The following SLC6A16 variants were observed in gnomAD, a reference collection of about 807,000 sequenced individuals.
SLC6A16 encodes the protein orphan sodium- and chloride-dependent neurotransmitter transporter NTT5.
In SLC6A16, 54 loss-of-function variants were observed where a neutral mutation model predicts 65.4. The observed-to-expected ratio is 0.83, with a 90% CI of 0.66 to 1.04. The LOEUF is 1.04. Ranked by LOEUF, SLC6A16 falls within the 50% of genes least tolerant of loss-of-function variation. The pLI is 0.00. For synonymous variants in SLC6A16, 330 were observed against 346.5 expected (o/e 0.95, Z 0.53); for missense variants, 816 against 914.0 (o/e 0.89, Z 1.38).
At chr19:49,340,198 C>G in the SLC6A16 span, 1 of 1,542,528 alleles carries the variant, frequency 6.5e-7, no homozygotes. Context: ...GGCATCACCC[C>G]CGTCTCGCCA....
chr19:49,337,460 A>C, the SLC6A16 span, among the ~76,000 whole-genome samples: 2,207 of 148,786 alleles, frequency 0.015, 30 homozygotes, highest in Non-Finnish European at 0.023. Flanking sequence ...GACCCCATCT[A>C]TATTTAAAAA....
At chr19:49,325,525 C>T (rs1484197893), upstream of SLC6A16, among the ~76,000 whole-genome samples, 4 of 152,214 alleles carry the variant, frequency 2.6e-5, no homozygotes, top group Non-Finnish European at 5.9e-5. Context: ...AGCCTTCAAA[C>T]CTTTCGCATT....
rs372873509 is a variant in SLC6A16, at chr19:49,311,093, C to T, written c.255G>A (p.Thr85=). The part of the protein sequence containing the change: ...LTASALNQKP[T]HEKVQMTEKK... ...TCTCTGTCATCTGCACCTTCTCATG[C>T]GTGGGTTTCTGGTTCAGGGCTGAGG... Residue 85 remains threonine, a synonymous_variant, in exon 2 of 12, where the codon ACG becomes ACA. Coordinates refer to ENST00000335875, the MANE Select transcript of SLC6A16 (RefSeq NM_014037.3). The T allele has an allele frequency of 2.0e-5, 32 of 1,614,066 alleles. No homozygotes were observed. The highest frequency in any genetic ancestry group is 1.7e-4 in the African/African-American group (13 of 74,914).
intron 7 of SLC6A16, among the ~76,000 whole-genome samples, chr19:49,303,332 A>T (rs998114936): frequency 2.0e-5 from 3 of 152,204 alleles, no homozygotes; most frequent in Non-Finnish European, 2.9e-5. Context: ...GCTGAAAAAA[A>T]ATCTGACAAC....
upstream of SLC6A16, among the ~76,000 whole-genome samples, chr19:49,326,763 A>G (rs1282352517): frequency 6.6e-6 from 1 of 152,186 alleles, no homozygotes; most frequent in Non-Finnish European, 1.5e-5. Flanking sequence ...TCACGCCTGT[A>G]ATCCCAGCAC....
At position 49,310,614 on chromosome 19, in the gene SLC6A16, G is replaced by A. The variant is rs1970500958; in HGVS notation, c.416-104C>T. On this transcript the variant is annotated intron_variant, in intron 2 of 11. Transcript: ENST00000335875. ...TCTCCCTACCAGCGACCTCTTCCAG[G>A]GCCACAGGCATCAGGGCTCACCCAT... is the stretch of plus-strand genomic sequence containing the variant. 7.2e-6 allele frequency: 9 copies of A among 1,255,116 alleles called. No homozygotes were observed. In the South Asian group the frequency reaches 1.2e-4, roughly 17 times the overall value. 77.7% of individuals were successfully genotyped at this position (1,255,116 alleles called of 1,614,324 possible).
chr19:49,339,873 C>T, the SLC6A16 span: 2 of 1,343,642 alleles, frequency 1.5e-6, no homozygotes, highest in South Asian at 1.6e-5. The surrounding 1 kb of genome is among the most constrained non-coding windows in gnomAD (Gnocchi z 4.5). Flanking sequence ...TGCCCATGGC[C>T]CTGGGGCTCT....
At chr19:49,337,623 T>C in the SLC6A16 span, 18 of 1,474,432 alleles carry the variant, frequency 1.2e-5, no homozygotes, top group Non-Finnish European at 1.6e-5. Context: ...AATAAATTAA[T>C]AGAAAGACAC....
Position 49,294,554 on chromosome 19 carries a change from C to T in SLC6A16, c.1230-1G>A. 1 of 1,600,746 alleles carries T rather than the reference C, an allele frequency of 6.2e-7. No individual in the cohort carries two copies. Among genetic ancestry groups the T allele is most frequent in the Non-Finnish European group, 8.5e-7 (1 of 1,173,706 alleles). On this transcript the variant is annotated splice_acceptor_variant, in intron 7 of 11. Transcript: ENST00000335875. LOFTEE classifies it high-confidence loss of function. ...CAGCTTTAAAAGTATTTCAGCATTCCTGGGGATAGAGGGTTGAATCAAATC... is the reference window on the plus strand; with the variant it reads ...CAGCTTTAAAAGTATTTCAGCATTCTTGGGGATAGAGGGTTGAATCAAATC...
intron 5 of SLC6A16, 92 bp downstream of exon 5, chr19:49,309,559 A>G (rs1165552333): frequency 7.4e-7 from 1 of 1,345,534 alleles, no homozygotes; most frequent in Non-Finnish European, 1.1e-6. Flanking sequence ...TAAAAGCCAA[A>G]GGAGTAAGAG....
At chr19:49,297,852 G>T (rs1970213877) in intron 7 of SLC6A16, among the ~76,000 whole-genome samples, 1 of 152,052 alleles carries the variant, frequency 6.6e-6, no homozygotes, top group South Asian at 2.1e-4. Context: ...CATATAGTAT[G>T]ATTCTACTTA....
intron 1 of SLC6A16, among the ~76,000 whole-genome samples, chr19:49,317,736 G>A (rs1429161260): frequency 6.6e-6 from 1 of 151,990 alleles, no homozygotes; most frequent in Non-Finnish European, 1.5e-5. Flanking sequence ...AACCCAGGAG[G>A]TGGGGCTTGC....
chr19:49,337,273 G>C, the SLC6A16 span: 15 of 1,536,222 alleles, frequency 9.8e-6, no homozygotes, highest in Admixed American at 1.3e-4. Context: ...GGAGAGGGAA[G>C]GGAGTGGTGG....
the SLC6A16 span, chr19:49,339,416 G>T: frequency 1.2e-6 from 2 of 1,613,254 alleles, no homozygotes; most frequent in Non-Finnish European, 1.7e-6. This position sits in a 1 kb window ranked among gnomAD's most constrained non-coding sequence, Gnocchi z 4.5. Flanking sequence ...TACTCGAGGT[G>T]ATCTGGCCCC....
chr19:49,335,572 T>C, the SLC6A16 span: 5 of 1,613,952 alleles, frequency 3.1e-6, no homozygotes, highest in African/African-American at 6.7e-5. The surrounding 1 kb of genome is among the most constrained non-coding windows in gnomAD (Gnocchi z 4.6). Context: ...CTCAGCCTCA[T>C]CAAGTACTTC....
intron 1 of SLC6A16, among the ~76,000 whole-genome samples, chr19:49,320,364 C>T (rs1385017255): frequency 6.6e-6 from 1 of 151,260 alleles, no homozygotes; most frequent in African/African-American, 2.4e-5. Context: ...GCCGAGATCA[C>T]ACCACTGCAC....
At chr19:49,297,307 A>G (rs900109935) in intron 7 of SLC6A16, among the ~76,000 whole-genome samples, 1 of 152,354 alleles carries the variant, frequency 6.6e-6, no homozygotes, top group East Asian at 1.9e-4. Context: ...TAAAAGGCCA[A>G]TAAGCACTTT....
chr19:49,289,962 A>G lies in SLC6A16; in HGVS notation c.*161T>C. On this transcript the variant is annotated 3_prime_UTR_variant, in exon 12 of 12. Coordinates refer to ENST00000335875, the MANE Select transcript of SLC6A16 (RefSeq NM_014037.3). Reference sequence around the variant, plus strand: ...CAGGTAAGATGGGACCCAGGAAGGGATTGCAAGTCCAGGCCCCATGAACAC... The same window carrying G: ...CAGGTAAGATGGGACCCAGGAAGGGGTTGCAAGTCCAGGCCCCATGAACAC... 1.5e-6 allele frequency: 1 copy of G among 669,962 alleles called. No individual in the cohort carries two copies. Among genetic ancestry groups the G allele is most frequent in the Non-Finnish European group, 2.5e-6 (1 of 398,838 alleles). The allele number at this position is 669,962 out of a possible 1,614,324, so 41.5% of individuals were successfully genotyped here.
intron 7 of SLC6A16, among the ~76,000 whole-genome samples, chr19:49,301,378 G>A (rs1293307721): frequency 1.3e-5 from 2 of 152,170 alleles, no homozygotes; most frequent in Non-Finnish European, 2.9e-5. Flanking sequence ...CGAGACTTAC[G>A]GAGATAATGG....
Sources: allele counts gnomAD v4.1 joint callset (sites outside exome capture counted in the v4.1 genomes callset), GRCh38; gene constraint gnomAD v4.1.1; non-coding constraint Gnocchi (gnomAD v3.1); transcripts MANE v1.5; gene names NCBI Gene and HGNC (gene_info 2026-07-23, HGNC 2026-07-21).